Variants in CD226 observed in about 807,000 individuals in gnomAD.
The protein encoded by CD226 is CD226 molecule, also known as CD226 antigen.
In CD226, 24 loss-of-function variants were observed where a neutral mutation model predicts 34.9. The ratio of observed to expected loss-of-function variants is 0.69; its 90% CI spans 0.50 to 0.97. CD226 has a LOEUF of 0.97. CD226 is among the 50% of genes least tolerant of loss of function. The pLI, the probability that CD226 is intolerant of heterozygous loss-of-function variation, is 0.00. For synonymous variants in CD226, 148 were observed against 147.4 expected, an observed-to-expected ratio of 1.00 and a Z score of -0.03; for missense variants, 397 against 412.7, an observed-to-expected ratio of 0.96 and a Z score of 0.33.
At chr18:69,867,890 A>G (rs1265100968) in intron 4 of CD226, among the ~76,000 whole-genome samples, 1 of 152,246 alleles carries the variant, frequency 6.6e-6, no homozygotes, top group Admixed American at 6.5e-5. Context: ...AGATTATTTT[A>G]TTAAGATTTC....
upstream of CD226, chr18:69,957,271 T>C (rs1443102706): frequency 6.6e-6 from 1 of 152,194 alleles, no homozygotes; most frequent in African/African-American, 2.4e-5. Context: ...CACATTAGAT[T>C]CAGCCCTCTT....
chr18:69,863,209 T>A lies in CD226; in HGVS notation c.*1105A>T, dbSNP rs1043591441. The A allele has an allele frequency of 6.6e-6, 1 of 152,146 alleles. No individual in the cohort carries two copies. The highest frequency in any genetic ancestry group is 2.4e-5 in the African/African-American group (1 of 41,426). 9.4% of individuals were successfully genotyped at this position (152,146 alleles called of 1,614,324 possible). A position where few individuals can be genotyped will look rare whatever the true frequency, so the allele number is the denominator to read the frequency against. ...CCCAAATTTCTACCCTACCGTCCTA[T>A]GCCACCACTTTCAACTGTCACTTTT... On this transcript the variant is annotated 3_prime_UTR_variant, in exon 6 of 6. Transcript: ENST00000582621.
At chr18:69,867,122 C>T (rs1983197459) in intron 5 of CD226, among the ~76,000 whole-genome samples, 1 of 152,050 alleles carries the variant, frequency 6.6e-6, no homozygotes, top group South Asian at 2.1e-4. Context: ...TGTTATTACG[C>T]CAGGGTAATT....
At chr18:69,909,321 G>A (rs1288553148) in intron 2 of CD226, among the ~76,000 whole-genome samples, 1 of 152,104 alleles carries the variant, frequency 6.6e-6, no homozygotes, top group East Asian at 1.9e-4. Context: ...CCCTACATGA[G>A]TTTGGGTCTC....
intron 4 of CD226, among the ~76,000 whole-genome samples, chr18:69,869,224 T>C (rs1983347741): frequency 6.6e-6 from 1 of 152,178 alleles, no homozygotes; most frequent in Non-Finnish European, 1.5e-5. Flanking sequence ...TGCAGCACTA[T>C]TCATGATAGC....
At chr18:69,880,069 T>C (rs1035805302) in intron 3 of CD226, among the ~76,000 whole-genome samples, 3 of 152,136 alleles carry the variant, frequency 2.0e-5, no homozygotes, top group African/African-American at 7.2e-5. Context: ...TTTCTCTTTG[T>C]TTATATGCTC....
chr18:69,946,708 T>TTA, intron 2 of CD226, 26 bp downstream of exon 2: 3 of 1,238,336 alleles, frequency 2.4e-6, no homozygotes, highest in Non-Finnish European at 3.3e-6. Flanking sequence ...AAAAGGGATT[T>TTA]AAAAAAAAAA....
At chr18:69,915,276 CAA>C (rs915161892) in intron 2 of CD226, among the ~76,000 whole-genome samples, 1 of 152,092 alleles carries the variant, frequency 6.6e-6, no homozygotes, top group African/African-American at 2.4e-5. Context: ...AGCAAATGAT[CAA>C]AGAGTCCATA....
At chr18:69,915,385 G>A (rs1255204036) in intron 2 of CD226, among the ~76,000 whole-genome samples, 2 of 152,104 alleles carry the variant, frequency 1.3e-5, no homozygotes, top group African/African-American at 4.8e-5. Flanking sequence ...CCATTTGCCA[G>A]AATTCATCTA....
chr18:69,927,148 G>A (rs1165548025), intron 2 of CD226, among the ~76,000 whole-genome samples: 1 of 152,146 alleles, frequency 6.6e-6, no homozygotes, highest in Non-Finnish European at 1.5e-5. Context: ...TCAGAAAGAT[G>A]TTGAAGGGAG....
At chr18:69,909,716 G>T (rs2055301124) in intron 2 of CD226, among the ~76,000 whole-genome samples, 1 of 152,172 alleles carries the variant, frequency 6.6e-6, no homozygotes, top group Non-Finnish European at 1.5e-5. Flanking sequence ...AATGAAATTT[G>T]GGAATTAAAG....
chr18:69,901,650 C>T (rs940744066), intron 2 of CD226, among the ~76,000 whole-genome samples: 14 of 152,058 alleles, frequency 9.2e-5, no homozygotes, highest in East Asian at 1.9e-4. Context: ...GAGGCCGAGG[C>T]AGGCAGATCA....
intron 2 of CD226, among the ~76,000 whole-genome samples, chr18:69,940,652 A>C (rs1413644846): frequency 6.6e-6 from 1 of 152,176 alleles, no homozygotes; most frequent in Non-Finnish European, 1.5e-5. Context: ...GAGAGAGATA[A>C]TTTAGGGTAT....
chr18:69,902,687 T>C (rs954218733), intron 2 of CD226, among the ~76,000 whole-genome samples: 1 of 151,758 alleles, frequency 6.6e-6, no homozygotes, highest in Admixed American at 6.6e-5. Context: ...CAAGTGCAAA[T>C]CAATAGCGCC....
chr18:69,886,340 A>G (rs1984553960), intron 3 of CD226, among the ~76,000 whole-genome samples: 1 of 152,186 alleles, frequency 6.6e-6, no homozygotes, highest in South Asian at 2.1e-4. Flanking sequence ...TCATATAGCG[A>G]CCAAGACAAA....
At position 69,862,119 on chromosome 18, in the gene CD226, C is replaced by A. The variant is rs192046623; in HGVS notation, c.*2195G>T. On this transcript the variant is annotated 3_prime_UTR_variant, in exon 6 of 6. Coordinates refer to ENST00000582621, the MANE Select transcript of CD226 (RefSeq NM_001303618.2). ...TACTGCAGTGGTTTGCTACAAAAGT[C>A]TTTCATGAAGTTCCCAGTAAAAACC... 7 of 152,268 alleles carry A rather than the reference C, an allele frequency of 4.6e-5. No homozygotes were observed. Among genetic ancestry groups the A allele is most frequent in the African/African-American group, 1.4e-4 (6 of 41,580 alleles). 9.4% of individuals were successfully genotyped at this position (152,268 alleles called of 1,614,324 possible). A position where few individuals can be genotyped will look rare whatever the true frequency, so the allele number is the denominator to read the frequency against.
intron 2 of CD226, among the ~76,000 whole-genome samples, chr18:69,924,741 A>G (rs2055500752): frequency 6.6e-6 from 1 of 151,722 alleles, no homozygotes; most frequent in Non-Finnish European, 1.5e-5. Flanking sequence ...AGAACTGCAA[A>G]GCCCAGAGGT....
intron 1 of CD226, among the ~76,000 whole-genome samples, chr18:69,956,380 ATTT>A (rs928930082): frequency 6.6e-6 from 1 of 152,176 alleles, no homozygotes; most frequent in African/African-American, 2.4e-5. Flanking sequence ...GACATTTATT[ATTT>A]AAGTTCATCC....
chr18:69,937,791 C>T (rs376888025), intron 2 of CD226, among the ~76,000 whole-genome samples: 2 of 152,168 alleles, frequency 1.3e-5, no homozygotes, highest in African/African-American at 2.4e-5. Context: ...AAAATGTTGG[C>T]CATGCTGCCC....
Sources: gnomAD v4.1 joint callset for allele counts (sites outside exome capture counted in the v4.1 genomes callset) on GRCh38, gnomAD v4.1.1 for gene constraint, MANE v1.5 for transcripts, NCBI Gene and HGNC (gene_info 2026-07-23, HGNC 2026-07-21) for gene names.